The following KAZN variants were observed in gnomAD, a reference collection of about 807,000 sequenced individuals.
KAZN encodes kazrin, periplakin interacting protein.
In KAZN, 40 loss-of-function variants were observed where a neutral mutation model predicts 87.4. That is an observed-to-expected ratio of 0.46 (90% CI 0.36 to 0.60). The LOEUF (loss-of-function observed/expected upper bound fraction) is 0.60. Among genes scored for constraint, KAZN ranks in the 20% least tolerant of loss-of-function variants. The pLI is 0.00. For synonymous variants in KAZN, 466 were observed against 458.3 expected (o/e 1.02, Z -0.22); for missense variants, 898 against 1,073.9 (o/e 0.84, Z 2.29).
At chr1:14,906,040 G>GCA (rs1201514569) in intron 1 of KAZN, among the ~76,000 whole-genome samples, 2 of 151,704 alleles carry the variant, frequency 1.3e-5, no homozygotes, top group Non-Finnish European at 2.9e-5. Context: ...GGTGGCACAT[G>GCA]CCTGTAATCC....
chr1:14,002,314 A>G (rs1639830672), intron 1 of KAZN, among the ~76,000 whole-genome samples: 1 of 152,220 alleles, frequency 6.6e-6, no homozygotes, highest in Admixed American at 6.5e-5. Flanking sequence ...CTTGAGTTGT[A>G]TCTCACAGAA....
intron 14 of KAZN, 63 bp downstream of exon 14, chr1:15,112,604 T>C (rs1318311458): frequency 8.0e-6 from 3 of 375,838 alleles, no homozygotes; most frequent in African/African-American, 5.6e-5. Context: ...TTTTTTCTCC[T>C]CCCGGGAGCT....
chr1:14,338,228 C>T (rs1252770778), intron 2 of KAZN, among the ~76,000 whole-genome samples: 1 of 152,046 alleles, frequency 6.6e-6, no homozygotes, highest in Non-Finnish European at 1.5e-5. Flanking sequence ...AATCCCAACA[C>T]TTTGGGAAGC....
At chr1:14,527,472 C>A (rs1418705942) in intron 2 of KAZN, among the ~76,000 whole-genome samples, 1 of 151,312 alleles carries the variant, frequency 6.6e-6, no homozygotes, top group Admixed American at 6.6e-5. Flanking sequence ...TCACTTGAAC[C>A]CAGGAAGTGG....
chr1:14,155,970 T>TA lies in KAZN; in HGVS notation c.92-24464dup, dbSNP rs202017251. ...TTTCTTCTCTTTTGATGTTGGCACTTACAGCTTATAAACTTCCCTCTTAGT... is the reference window on the plus strand; with the variant it reads ...TTTCTTCTCTTTTGATGTTGGCACTTAACAGCTTATAAACTTCCCTCTTAGT... On this transcript the variant is annotated intron_variant, in intron 1 of 16. Transcript: ENST00000636203. 8.4e-3 allele frequency among the ~76,000 whole-genome samples: 1,279 copies of TA among 152,232 alleles called. 15 individuals are homozygous for TA. Among genetic ancestry groups the TA allele is most frequent in the African/African-American group, 0.029 (1,218 of 41,538 alleles).
At chr1:14,025,465 G>A (rs1228072468) in intron 1 of KAZN, among the ~76,000 whole-genome samples, 1 of 152,148 alleles carries the variant, frequency 6.6e-6, no homozygotes, top group Non-Finnish European at 1.5e-5. Flanking sequence ...AGACAAAGAA[G>A]ACAAGCTTTG....
chr1:14,506,304 C>G (rs1372765556), intron 2 of KAZN, among the ~76,000 whole-genome samples: 2 of 152,168 alleles, frequency 1.3e-5, no homozygotes, highest in Admixed American at 6.5e-5. Flanking sequence ...TCTGTTAAAC[C>G]AGACTTCACT....
intron 2 of KAZN, among the ~76,000 whole-genome samples, chr1:14,387,269 T>A (rs966507877): frequency 5.3e-5 from 8 of 152,138 alleles, no homozygotes; most frequent in African/African-American, 1.7e-4. Context: ...TGTCCTCCCG[T>A]AGGTCAGAGT....
At chr1:14,841,874 T>C (rs149043457) in intron 1 of KAZN, among the ~76,000 whole-genome samples, 3 of 152,340 alleles carry the variant, frequency 2.0e-5, no homozygotes, top group African/African-American at 7.2e-5. Flanking sequence ...GTTCATCCTG[T>C]TCTAGCCACT....
At chr1:14,912,573 G>A (rs997637356) in intron 1 of KAZN, among the ~76,000 whole-genome samples, 1 of 152,050 alleles carries the variant, frequency 6.6e-6, no homozygotes, top group Non-Finnish European at 1.5e-5. Context: ...TAGAGACAGG[G>A]TTTCACCATG....
rs140144639 is a variant in KAZN at position 14,949,265 on chromosome 1, A to G, written c.227-11419A>G. ...AAAAAAACATTCCTTTATTAAAACA[A>G]CAGTTAATAAATACTAACTTAAAAA... On this transcript the variant is annotated intron_variant, in intron 1 of 14. Transcript: ENST00000376030. This position sits in a 1 kb window ranked among gnomAD's most constrained non-coding sequence, Gnocchi z 4.3. 4.0e-3 allele frequency among the ~76,000 whole-genome samples: 613 copies of G among 152,104 alleles called. 6 individuals carry two copies. Among genetic ancestry groups the G allele is most frequent in the African/African-American group, 0.014 (579 of 41,466 alleles).
chr1:14,666,815 G>A (rs550056174), intron 1 of KAZN, among the ~76,000 whole-genome samples: 3 of 152,240 alleles, frequency 2.0e-5, no homozygotes, highest in Admixed American at 2.0e-4. Flanking sequence ...TTGACTCACT[G>A]CAACCTCAGC....
At chr1:14,197,164 T>C (rs1646543291) in intron 2 of KAZN, among the ~76,000 whole-genome samples, 2 of 152,084 alleles carry the variant, frequency 1.3e-5, no homozygotes, top group South Asian at 4.1e-4. Flanking sequence ...GGGCAGATCA[T>C]GGGTCCAGTA....
At chr1:14,024,386 CAT>C (rs1360111727) in intron 1 of KAZN, among the ~76,000 whole-genome samples, 1 of 152,220 alleles carries the variant, frequency 6.6e-6, no homozygotes, top group Non-Finnish European at 1.5e-5. Flanking sequence ...TGAAAGATCA[CAT>C]ATACTCACAC....
At chr1:14,171,960 C>T (rs1011790139) in intron 1 of KAZN, among the ~76,000 whole-genome samples, 2 of 149,948 alleles carry the variant, frequency 1.3e-5, no homozygotes, top group African/African-American at 5.0e-5. Flanking sequence ...AATGTCAAAG[C>T]GTGTCATTTT....
intron 13 of KAZN, among the ~76,000 whole-genome samples, chr1:15,107,873 C>A (rs915391056): frequency 1.3e-5 from 2 of 152,080 alleles, no homozygotes; most frequent in Non-Finnish European, 2.9e-5. Flanking sequence ...TGACTCATAC[C>A]GACCTTGTAG....
chr1:14,537,788 G>A (rs1286621567), intron 2 of KAZN, among the ~76,000 whole-genome samples: 1 of 152,196 alleles, frequency 6.6e-6, no homozygotes, highest in Non-Finnish European at 1.5e-5. Flanking sequence ...CTTGTCTCAT[G>A]ATAGCACAAG....
intron 1 of KAZN, among the ~76,000 whole-genome samples, chr1:14,800,091 C>A (rs1403221325): frequency 4.6e-5 from 7 of 152,016 alleles, no homozygotes; most frequent in Middle Eastern, 3.2e-3. Context: ...CCATGATGAG[C>A]CAGATGAGGA....
chr1:13,942,718 C>T (rs879759462), intron 1 of KAZN, among the ~76,000 whole-genome samples: 7 of 151,968 alleles, frequency 4.6e-5, no homozygotes, highest in East Asian at 1.9e-4. Context: ...AAGTTATTTA[C>T]GCATGGACAT....
Sources: allele counts gnomAD v4.1 joint callset (sites outside exome capture counted in the v4.1 genomes callset), GRCh38; gene constraint gnomAD v4.1.1; non-coding constraint Gnocchi (gnomAD v3.1); transcripts MANE v1.5; gene names NCBI Gene and HGNC (gene_info 2026-07-23, HGNC 2026-07-21).